The following CFAP251 variants were observed in gnomAD, a reference collection of about 807,000 sequenced individuals.
CFAP251 encodes cilia and flagella associated protein 251, also known as cilia- and flagella-associated protein 251.
A neutral mutation model predicts 126.7 loss-of-function variants in CFAP251; 93 were observed. The ratio of observed to expected loss-of-function variants is 0.73; its 90% CI spans 0.62 to 0.87. The LOEUF (loss-of-function observed/expected upper bound fraction) is 0.87, where lower values mean the gene tolerates loss of function less well. Among genes scored for constraint, CFAP251 ranks in the 40% least tolerant of loss-of-function variants. The pLI is 0.00. For synonymous variants in CFAP251, 503 were observed against 506.9 expected (o/e 0.99, Z 0.10); for missense variants, 1,287 against 1,389.2 (o/e 0.93, Z 1.17).
chr12:121,992,136 T>C (rs1882890268), intron 19 of CFAP251: 1 of 912,180 alleles, frequency 1.1e-6, no homozygotes, highest in East Asian at 1.2e-4. Flanking sequence ...CCAGTGCGTC[T>C]GGGCCGCTCA....
intron 5 of CFAP251, among the ~76,000 whole-genome samples, chr12:121,935,873 C>A (rs1032954177): frequency 5.9e-5 from 9 of 152,210 alleles, no homozygotes; most frequent in Non-Finnish European, 1.2e-4. Context: ...CGGCTGGAGG[C>A]AGACTGAATG....
chr12:121,952,591 T>C (rs1030775003), intron 9 of CFAP251: 14 of 152,190 alleles, frequency 9.2e-5, no homozygotes, highest in African/African-American at 3.4e-4. Flanking sequence ...TCTTGCCTGC[T>C]TGCCGCAAGC....
rs758644182 is a variant in CFAP251 at position 121,923,903 on chromosome 12, A to C, written c.660A>C (p.Lys220Asn). The C allele has an allele frequency of 6.2e-7, 1 of 1,614,164 alleles. No individual in the cohort carries two copies. The highest frequency in any genetic ancestry group is 1.1e-5 in the South Asian group (1 of 91,074). Residue 220 changes from lysine (K) to asparagine (N), a missense_variant, in exon 3 of 22, where the codon AAA becomes AAC. Coordinates refer to ENST00000288912, the MANE Select transcript of CFAP251 (RefSeq NM_144668.6). Reference sequence around the variant, plus strand: ...GGAGAGTATCCGACATCCAGTCCAAAGCAGGGATCTCCCGGGAGTCACTGG... The same window carrying C: ...GGAGAGTATCCGACATCCAGTCCAACGCAGGGATCTCCCGGGAGTCACTGG... ...QERRVSDIQS[K>N]AGISRESLVS...
At chr12:121,932,349 G>T (rs1880727496) in intron 4 of CFAP251, 1 of 152,158 alleles carries the variant, frequency 6.6e-6, no homozygotes, top group African/African-American at 2.4e-5. Context: ...TAAGTGACTT[G>T]CCCAAGACTG....
intron 18 of CFAP251, 88 bp downstream of exon 18, chr12:121,975,422 A>G: frequency 6.4e-7 from 1 of 1,569,514 alleles, no homozygotes. Flanking sequence ...GCTTTATTCC[A>G]AAGCTTTGTT....
rs1169081 is a variant in CFAP251, at chr12:121,968,006, G to T, written c.2608G>T (p.Val870Leu). 0.3 allele frequency: 475,899 copies of T among 1,594,770 alleles called. 74,452 individuals are homozygous for T. The highest frequency in any genetic ancestry group is 0.48 in the East Asian group (21,061 of 44,280). The change falls in exon 17 of 22, where the codon GTG (valine) becomes TTG (leucine). Residue 870 changes from valine to leucine, a missense_variant and splice_region_variant. Coordinates refer to ENST00000288912, the MANE Select transcript of CFAP251 (RefSeq NM_144668.6). Reference sequence around the variant, plus strand: ...TATCCAATTATGTGTTCCTTTCTAGGTGGGACTTCAGATCTTACCAGTTGA... The same window carrying T: ...TATCCAATTATGTGTTCCTTTCTAGTTGGGACTTCAGATCTTACCAGTTGA... The part of the protein sequence containing the change: ...RYLVFINRDK[V>L]GLQILPVDGN...
rs568256192 is a variant in CFAP251 at position 121,978,185 on chromosome 12, G to C, written c.3006+2500G>C. ...AGGCGGGTGGATCACGAGGTCAGGA[G>C]ATCGAGACCATCCTGGCTAACACGG... On this transcript the variant is annotated intron_variant, in intron 19 of 21. Transcript: ENST00000288912. 3.0e-3 allele frequency among the ~76,000 whole-genome samples: 446 copies of C among 150,638 alleles called. 3 individuals carry two copies. Among genetic ancestry groups the C allele is most frequent in the Admixed American group, 7.4e-3 (112 of 15,138 alleles).
At position 121,980,760 on chromosome 12, in the gene CFAP251, T is replaced by C. The variant is rs942544251; in HGVS notation, c.3006+5075T>C. On this transcript the variant is annotated intron_variant, in intron 19 of 21. Coordinates refer to ENST00000288912, the MANE Select transcript of CFAP251 (RefSeq NM_144668.6). The stretch of plus-strand genomic sequence containing the variant: ...TCTGTGGTTCTGCTTCTTCTGTTTT[T>C]AGTCCAACGTTTAACCAAATACCCA... 2.0e-5 allele frequency among the ~76,000 whole-genome samples: 3 copies of C among 152,250 alleles called. No individual in the cohort carries two copies. In the South Asian group the frequency reaches 6.2e-4, roughly 32 times the overall value.
chr12:121,952,240 TAAA>T (rs558861973), intron 9 of CFAP251, among the ~76,000 whole-genome samples: 75 of 92,064 alleles, frequency 8.1e-4, no homozygotes, highest in African/African-American at 2.2e-3. Context: ...TCGTTTCTAC[TAAA>T]AAAAAAAAAA....
intron 19 of CFAP251, among the ~76,000 whole-genome samples, chr12:121,986,779 A>G (rs1882759490): frequency 1.3e-5 from 2 of 151,954 alleles, no homozygotes; most frequent in South Asian, 2.1e-4. Flanking sequence ...AAAAGAAAAA[A>G]AAAAAAAAGC....
chr12:121,947,766 T>C (rs1881373384), intron 7 of CFAP251: 1 of 152,248 alleles, frequency 6.6e-6, no homozygotes, highest in South Asian at 2.1e-4. Context: ...TTGAGGTCGT[T>C]TGAGGCTGAT....
intron 10 of CFAP251, among the ~76,000 whole-genome samples, chr12:121,954,537 G>T (rs1237780984): frequency 6.8e-6 from 1 of 147,602 alleles, no homozygotes; most frequent in Non-Finnish European, 1.5e-5. Context: ...CAAAGAGAGA[G>T]AGATGGGAGG....
chr12:121,965,134 T>A (rs1280885328), intron 15 of CFAP251, among the ~76,000 whole-genome samples: 1 of 152,130 alleles, frequency 6.6e-6, no homozygotes, highest in Non-Finnish European at 1.5e-5. Flanking sequence ...AAAATGCATT[T>A]AAAAAAGATT....
At chr12:121,951,288 T>A (rs1007281682) in intron 8 of CFAP251, 192 bp from the exon 9 acceptor site, 1 of 440,778 alleles carries the variant, frequency 2.3e-6, no homozygotes, top group African/African-American at 2.0e-5. Context: ...TGGCATTTTT[T>A]ATATTTTTTA....
intron 19 of CFAP251, chr12:121,998,725 A>G (rs1210924392): frequency 2.0e-5 from 3 of 147,946 alleles, no homozygotes; most frequent in Non-Finnish European, 4.5e-5. Flanking sequence ...CCCGTCTCTA[A>G]AAAAAAATAC....
chr12:121,934,062 A>C (rs1592967776), intron 4 of CFAP251, among the ~76,000 whole-genome samples, 185 bp from the exon 5 acceptor site: 1 of 152,154 alleles, frequency 6.6e-6, no homozygotes, highest in Admixed American at 6.5e-5. Context: ...GAGGGAGAGG[A>C]AGTTTGAAAA....
rs374396629 is a variant in CFAP251, at chr12:121,921,510, G to A, written c.205G>A (p.Asp69Asn). ...EEEGEEEGKE[D>N]KKIVMEETEE... is the part of the protein sequence containing the mutation. Reference sequence around the variant, plus strand: ...GGAAGGGGAGGAGGAGGGGAAGGAGGACAAAAAGATTGTCATGGAAGAAAC... The same window carrying A: ...GGAAGGGGAGGAGGAGGGGAAGGAGAACAAAAAGATTGTCATGGAAGAAAC... The change falls in exon 2 of 22, where the codon GAC becomes AAC. Residue 69 changes from aspartate to asparagine, a missense_variant. Coordinates refer to ENST00000288912, the MANE Select transcript of CFAP251 (RefSeq NM_144668.6). The A allele has an allele frequency of 2.0e-5, 33 of 1,613,620 alleles. No homozygotes were observed. The Admixed American group carries it at 3.7e-4, about 18-fold the overall frequency.
At chr12:121,977,766 T>G (rs189631672) in intron 19 of CFAP251, among the ~76,000 whole-genome samples, 4 of 150,234 alleles carry the variant, frequency 2.7e-5, no homozygotes, top group Non-Finnish European at 5.9e-5. Context: ...CCATCCTGGC[T>G]AACACGGTGA....
chr12:121,977,727 G>A lies in CFAP251; in HGVS notation c.3006+2042G>A, dbSNP rs190427568. On this transcript the variant is annotated intron_variant, in intron 19 of 21. Transcript: ENST00000288912. The stretch of plus-strand genomic sequence containing the variant: ...TCCCAGCACTTTGGGAGGCCAAGGC[G>A]GGCGGATCACGAGGTCAGAAGATCG... 1.2e-3 allele frequency among the ~76,000 whole-genome samples: 180 copies of A among 151,328 alleles called. 4 individuals carry two copies. The highest frequency in any genetic ancestry group is 4.0e-3 in the African/African-American group (165 of 41,064).
Sources: allele counts gnomAD v4.1 joint callset (sites outside exome capture counted in the v4.1 genomes callset), GRCh38; gene constraint gnomAD v4.1.1; transcripts MANE v1.5; gene names NCBI Gene and HGNC (gene_info 2026-07-23, HGNC 2026-07-21).